The following ZNF565 variants were observed in gnomAD, a reference collection of about 807,000 sequenced individuals.
ZNF565 encodes the protein zinc finger protein 565.
Under a neutral mutation model 39.4 loss-of-function variants are expected in ZNF565, and 27 were observed. The ratio of observed to expected loss-of-function variants is 0.69; its 90% CI spans 0.51 to 0.95. ZNF565 has a LOEUF of 0.95. Among genes scored for constraint, ZNF565 ranks in the 40% least tolerant of loss-of-function variants. The pLI is 0.00. For synonymous variants in ZNF565, 185 were observed against 216.6 expected (o/e 0.85, Z 1.28); for missense variants, 524 against 621.1 (o/e 0.84, Z 1.66).
intron 4 of ZNF565, among the ~76,000 whole-genome samples, chr19:36,192,198 A>T (rs183469723): frequency 1.3e-5 from 2 of 151,828 alleles, no homozygotes; most frequent in Non-Finnish European, 2.9e-5. Flanking sequence ...CATATTGGCC[A>T]GGCTGGTCTC....
chr19:36,191,189 A>G (rs1975526555), intron 4 of ZNF565, among the ~76,000 whole-genome samples: 2 of 151,518 alleles, frequency 1.3e-5, no homozygotes, highest in South Asian at 2.1e-4. Context: ...TGACCCACAG[A>G]TTGCAGTTTG....
intron 1 of ZNF565, among the ~76,000 whole-genome samples, chr19:36,242,469 C>T (rs146071607): frequency 6.6e-6 from 1 of 151,894 alleles, no homozygotes; most frequent in Non-Finnish European, 1.5e-5. Flanking sequence ...TGGCTCACAC[C>T]TGTAATCCCA....
At chr19:36,194,596 A>G (rs1975690052) in intron 3 of ZNF565, 1 of 478,004 alleles carries the variant, frequency 2.1e-6, no homozygotes, top group Non-Finnish European at 3.8e-6. Context: ...GTAGTCCTGA[A>G]TTATGTGGAG....
intron 4 of ZNF565, among the ~76,000 whole-genome samples, chr19:36,191,003 A>C (rs947304232): frequency 2.6e-5 from 4 of 151,474 alleles, no homozygotes; most frequent in East Asian, 3.9e-4. Context: ...AAAAAAAAAA[A>C]AAAAAAACAC....
At chr19:36,194,186 T>A (rs1234189334) in intron 4 of ZNF565, 47 bp downstream of exon 4, 1 of 1,509,788 alleles carries the variant, frequency 6.6e-7, no homozygotes, top group East Asian at 2.3e-5. Context: ...CTCCTGTCAG[T>A]CGACTCATCC....
intron 1 of ZNF565, among the ~76,000 whole-genome samples, chr19:36,232,623 T>C (rs1295833535): frequency 2.0e-5 from 3 of 149,038 alleles, no homozygotes; most frequent in Non-Finnish European, 3.0e-5. Flanking sequence ...TTTTTTTTTT[T>C]CCCGAGACAT....
At chr19:36,226,476 A>G (rs1031106888) in intron 1 of ZNF565, among the ~76,000 whole-genome samples, 1 of 152,226 alleles carries the variant, frequency 6.6e-6, no homozygotes, top group African/African-American at 2.4e-5. Flanking sequence ...GAGTTGGAAT[A>G]GTACAGAGAA....
intron 2 of ZNF565, among the ~76,000 whole-genome samples, chr19:36,200,177 C>A (rs946865716): frequency 6.6e-6 from 1 of 151,702 alleles, no homozygotes; most frequent in Non-Finnish European, 1.5e-5. Context: ...AGACATGCGC[C>A]ATCATGCCCG....
chr19:36,190,744 A>G (rs1975503742), intron 4 of ZNF565, among the ~76,000 whole-genome samples: 1 of 151,668 alleles, frequency 6.6e-6, no homozygotes, highest in Non-Finnish European at 1.5e-5. Context: ...GCACTTTGGG[A>G]GTTTTGGGAG....
chr19:36,182,454 AC>A lies in ZNF565; in HGVS notation c.*11del. On this transcript the variant is annotated 3_prime_UTR_variant, in exon 5 of 5. Transcript: ENST00000304116. ...ATAAAGGCTTATCTTTATCCCTTAC[AC>A]TCAAGGCTTTCTAACCAGTATGAAT... is the stretch of plus-strand genomic sequence containing the variant. 1.3e-6 allele frequency: 2 copies of A among 1,543,424 alleles called. No individual in the cohort carries two copies. The highest frequency in any genetic ancestry group is 1.7e-6 in the Non-Finnish European group (2 of 1,147,026).
At chr19:36,238,712 G>A (rs1418217248) in intron 1 of ZNF565, 1 of 166,888 alleles carries the variant, frequency 6.0e-6, no homozygotes, top group Non-Finnish European at 1.5e-5. Context: ...GGATGGACTT[G>A]CTCTCTATGT....
intron 1 of ZNF565, among the ~76,000 whole-genome samples, chr19:36,229,541 G>A (rs1041007406): frequency 2.0e-5 from 3 of 152,168 alleles, no homozygotes; most frequent in African/African-American, 4.8e-5. Flanking sequence ...ACGTTTACGC[G>A]TGTCACGTAT....
chr19:36,194,591 C>T (rs1975689858), intron 3 of ZNF565: 4 of 478,926 alleles, frequency 8.4e-6, no homozygotes, highest in Non-Finnish European at 1.5e-5. Context: ...GAAGGGTAGT[C>T]CTGAATTATG....
chr19:36,245,360 C>A lies in ZNF565; in HGVS notation c.55+116G>T. Reference sequence around the variant, plus strand: ...GCTGCCGGACATTCTAGGGTCTGATCTGGCGGGCTCGAAGGGAGGACAGTC... The same window carrying A: ...GCTGCCGGACATTCTAGGGTCTGATATGGCGGGCTCGAAGGGAGGACAGTC... On this transcript the variant is annotated intron_variant, in intron 1 of 4. Transcript: ENST00000355114. This position sits in a 1 kb window ranked among gnomAD's most constrained non-coding sequence, Gnocchi z 4.4. 2.9e-6 allele frequency: 2 copies of A among 681,276 alleles called. No homozygotes were observed. The highest frequency in any genetic ancestry group is 5.3e-6 in the Non-Finnish European group (2 of 374,326). 42.2% of individuals were successfully genotyped at this position (681,276 alleles called of 1,614,324 possible).
rs185381204 is a variant in ZNF565, at chr19:36,244,118, T to G, written c.55+1358A>C. ...CAACCAAACCAAGAAAAAAGACCCA[T>G]GGGATCCCATGTCTGTGTGTCTGAG... On this transcript the variant is annotated intron_variant, in intron 1 of 4. Transcript: ENST00000355114. Among the ~76,000 whole-genome samples, 16 of 139,210 alleles carry G rather than the reference T, an allele frequency of 1.1e-4. No homozygotes were observed. The East Asian group carries it at 2.5e-3, about 22-fold the overall frequency. The allele number at this position is 139,210 out of a possible 152,430, so 91.3% of individuals were successfully genotyped here.
chr19:36,229,236 C>T (rs568516482), intron 1 of ZNF565, among the ~76,000 whole-genome samples: 2 of 152,306 alleles, frequency 1.3e-5, no homozygotes, highest in African/African-American at 4.8e-5. Context: ...TTATATTTTA[C>T]ACCTGTTCTC....
At chr19:36,192,084 G>A (rs1975573061) in intron 4 of ZNF565, among the ~76,000 whole-genome samples, 1 of 151,294 alleles carries the variant, frequency 6.6e-6, no homozygotes, top group Non-Finnish European at 1.5e-5. Flanking sequence ...CGCCTCCCGG[G>A]TTCAAGCGAT....
intron 1 of ZNF565, among the ~76,000 whole-genome samples, chr19:36,211,449 T>TCTCTCTCACA (rs1229625965): frequency 1.5e-5 from 2 of 137,676 alleles, no homozygotes; most frequent in African/African-American, 5.4e-5. Flanking sequence ...CAACTCTCTC[T>TCTCTCTCACA]CACACACACA....
intron 1 of ZNF565, among the ~76,000 whole-genome samples, chr19:36,214,385 C>A (rs1460577455): frequency 6.6e-6 from 1 of 152,144 alleles, no homozygotes; most frequent in Non-Finnish European, 1.5e-5. Context: ...CGCAGTATCA[C>A]CCCCGGTCAC....
Sources: allele counts gnomAD v4.1 joint callset (sites outside exome capture counted in the v4.1 genomes callset), GRCh38; gene constraint gnomAD v4.1.1; non-coding constraint Gnocchi (gnomAD v3.1); transcripts MANE v1.5; gene names NCBI Gene and HGNC (gene_info 2026-07-23, HGNC 2026-07-21).